Variants in ATP9B observed in about 807,000 individuals in gnomAD.
The protein encoded by ATP9B is probable phospholipid-transporting ATPase IIB.
A neutral mutation model predicts 146.1 loss-of-function variants in ATP9B; 110 were observed. That is an observed-to-expected ratio of 0.75 (90% CI 0.65 to 0.88). The LOEUF is 0.88. Among genes scored for constraint, ATP9B ranks in the 40% least tolerant of loss-of-function variants. The probability of loss-of-function intolerance (pLI) is 0.00; values close to 1 mark genes in which losing one functional copy is unlikely to be tolerated. For synonymous variants in ATP9B, 604 were observed against 569.7 expected, an observed-to-expected ratio of 1.06 and a Z score of -0.86; for missense variants, 1,499 against 1,496.4, an observed-to-expected ratio of 1.00 and a Z score of -0.03.
chr18:79,352,060 C>G (rs772175052), intron 25 of ATP9B, among the ~76,000 whole-genome samples: 1 of 152,130 alleles, frequency 6.6e-6, no homozygotes, highest in Non-Finnish European at 1.5e-5. Context: ...CTCATGAGCC[C>G]ACAACTCATG....
rs1021855293 is a variant in ATP9B at position 79,266,812 on chromosome 18, G to A, written c.1269-10242G>A. On this transcript the variant is annotated intron_variant, in intron 12 of 29. Coordinates refer to ENST00000426216, the MANE Select transcript of ATP9B (RefSeq NM_198531.5). ...GGGGCAAAACCCCAACATAATGATGGTATGTTAGTATTTTGTTTATTATTA... is the reference window on the plus strand; with the variant it reads ...GGGGCAAAACCCCAACATAATGATGATATGTTAGTATTTTGTTTATTATTA... 2.6e-5 allele frequency among the ~76,000 whole-genome samples: 4 copies of A among 152,080 alleles called. No individual in the cohort carries two copies. The South Asian group carries it at 8.3e-4, about 32-fold the overall frequency.
intron 9 of ATP9B, chr18:79,194,318 T>C (rs1186816372): frequency 6.6e-6 from 1 of 152,214 alleles, no homozygotes; most frequent in Non-Finnish European, 1.5e-5. Context: ...ATTTGAAATA[T>C]TATTTGCTTT....
chr18:79,307,747 T>C (rs1011867608), intron 15 of ATP9B, among the ~76,000 whole-genome samples: 2 of 152,244 alleles, frequency 1.3e-5, no homozygotes, highest in African/African-American at 2.4e-5. Context: ...CATGGTAAAT[T>C]AGTTATTTCT....
At chr18:79,105,902 A>G (rs2075622939) in intron 2 of ATP9B, among the ~76,000 whole-genome samples, 1 of 152,218 alleles carries the variant, frequency 6.6e-6, no homozygotes, top group Admixed American at 6.5e-5. Flanking sequence ...ATTGGTGACC[A>G]TAGGTATCTA....
Position 79,253,117 on chromosome 18 carries a change from G to A in ATP9B, c.1108-264G>A, listed in dbSNP as rs967260959. Among the ~76,000 whole-genome samples, 19 of 152,178 alleles carry A rather than the reference G, an allele frequency of 1.2e-4. 1 individual carries two copies. Among genetic ancestry groups the A allele is most frequent in the Admixed American group, 3.3e-4 (5 of 15,292 alleles). On this transcript the variant is annotated intron_variant, in intron 11 of 29. Transcript: ENST00000426216. ...CTTTGCCTGAGCCGGTGACCAGCGC[G>A]CCACCCTCCAGAGGCCGTGTCTGAG...
At chr18:79,171,639 C>T (rs988773896) in intron 7 of ATP9B, among the ~76,000 whole-genome samples, 1 of 151,984 alleles carries the variant, frequency 6.6e-6, no homozygotes, top group Non-Finnish European at 1.5e-5. Context: ...AGTGTGTGCG[C>T]GTAAGGCTGT....
At chr18:79,215,249 T>A (rs958792912) in intron 11 of ATP9B, among the ~76,000 whole-genome samples, 5 of 151,808 alleles carry the variant, frequency 3.3e-5, no homozygotes, top group Admixed American at 2.0e-4. Flanking sequence ...TAGTAACATA[T>A]CACCAACCCT....
At chr18:79,283,949 T>C (rs756508191) in intron 13 of ATP9B, among the ~76,000 whole-genome samples, 13 of 152,202 alleles carry the variant, frequency 8.5e-5, no homozygotes, top group Non-Finnish European at 4.4e-5. Flanking sequence ...AATTCCTTTG[T>C]TAGGGAGGTT....
chr18:79,230,861 A>G (rs2095784495), intron 11 of ATP9B, among the ~76,000 whole-genome samples: 1 of 152,202 alleles, frequency 6.6e-6, no homozygotes, highest in Admixed American at 6.5e-5. Flanking sequence ...AATAAAGCCA[A>G]ATACTTATAG....
In ATP9B at chr18:79,126,813, G is replaced by A. The variant is rs144553839; in HGVS notation, c.667+438G>A. 1.1e-4 allele frequency among the ~76,000 whole-genome samples: 17 copies of A among 152,260 alleles called. No homozygotes were observed. The East Asian group carries it at 2.7e-3, about 24-fold the overall frequency. On this transcript the variant is annotated intron_variant, in intron 5 of 29. Transcript: ENST00000426216. ...CCTTTGAACAACAGAAATAAATATC[G>A]TGATCCAAGATGATAACTGATGCAA...
At chr18:79,186,598 C>T (rs940707837) in intron 8 of ATP9B, among the ~76,000 whole-genome samples, 8 of 152,250 alleles carry the variant, frequency 5.3e-5, no homozygotes, top group African/African-American at 1.7e-4. Flanking sequence ...CTCAGACTTG[C>T]CTTATCCCTG....
intron 11 of ATP9B, among the ~76,000 whole-genome samples, chr18:79,245,986 C>T (rs1357068584): frequency 7.2e-6 from 1 of 138,710 alleles, no homozygotes; most frequent in Non-Finnish European, 1.6e-5. Context: ...GAGGGCACCG[C>T]CCTACTGTCT....
chr18:79,196,613 T>C, intron 9 of ATP9B, among the ~76,000 whole-genome samples: 1 of 152,178 alleles, frequency 6.6e-6, no homozygotes, highest in Non-Finnish European at 1.5e-5. Flanking sequence ...AAAATGGTAG[T>C]GACCAGAAAA....
intron 15 of ATP9B, among the ~76,000 whole-genome samples, chr18:79,317,624 A>C (rs893951488): frequency 3.9e-5 from 6 of 152,216 alleles, no homozygotes; most frequent in African/African-American, 1.2e-4. Flanking sequence ...GAGGCGATTG[A>C]TGTCAATGGG....
At chr18:79,155,103 T>C (rs899016458) in intron 7 of ATP9B, among the ~76,000 whole-genome samples, 3 of 152,230 alleles carry the variant, frequency 2.0e-5, no homozygotes, top group Non-Finnish European at 4.4e-5. Flanking sequence ...CAAATACTTA[T>C]TTACCACTTA....
intron 2 of ATP9B, among the ~76,000 whole-genome samples, chr18:79,100,256 A>G (rs905946435): frequency 6.6e-6 from 1 of 152,230 alleles, no homozygotes; most frequent in African/African-American, 2.4e-5. Context: ...TGTTAAGTGC[A>G]CTGCTCTGTA....
At chr18:79,193,131 T>C (rs1157269641) in intron 8 of ATP9B, 52 bp from the exon 9 acceptor site, 21 of 1,311,962 alleles carry the variant, frequency 1.6e-5, no homozygotes, top group Non-Finnish European at 2.1e-5. Context: ...AATTTCCAAG[T>C]AATTTTACTA....
chr18:79,267,985 A>G (rs145551027), intron 12 of ATP9B, among the ~76,000 whole-genome samples: 201 of 152,194 alleles, frequency 1.3e-3, no homozygotes, highest in African/African-American at 4.6e-3. Context: ...TTTCCTTGGA[A>G]TTCTGTTTAT....
At chr18:79,139,967 C>T (rs1051470967) in intron 5 of ATP9B, among the ~76,000 whole-genome samples, 1 of 152,110 alleles carries the variant, frequency 6.6e-6, no homozygotes, top group Non-Finnish European at 1.5e-5. Context: ...TTAAACCTAT[C>T]GTAGGATCTG....
Sources: gnomAD v4.1 joint callset for allele counts (sites outside exome capture counted in the v4.1 genomes callset) on GRCh38, gnomAD v4.1.1 for gene constraint, MANE v1.5 for transcripts, NCBI Gene and HGNC (gene_info 2026-07-23, HGNC 2026-07-21) for gene names.